The following NKAIN1 variants were observed in gnomAD, a reference collection of about 807,000 sequenced individuals.
NKAIN1 encodes the protein sodium/potassium transporting ATPase interacting 1, also known as sodium/potassium-transporting ATPase subunit beta-1-interacting protein 1.
Under a neutral mutation model 31.6 loss-of-function variants are expected in NKAIN1, and 13 were observed. The observed-to-expected ratio is 0.41, with a 90% CI of 0.27 to 0.65. The LOEUF is 0.65. NKAIN1 is among the 30% of genes least tolerant of loss of function. The pLI, the probability that NKAIN1 is intolerant of heterozygous loss-of-function variation, is 0.30. For synonymous variants in NKAIN1, 104 were observed against 109.0 expected, an observed-to-expected ratio of 0.95 and a Z score of 0.28; for missense variants, 193 against 262.2, an observed-to-expected ratio of 0.74 and a Z score of 1.82.
intron 2 of NKAIN1, among the ~76,000 whole-genome samples, chr1:31,186,878 C>A (rs1035443672): frequency 6.6e-6 from 1 of 152,236 alleles, no homozygotes; most frequent in African/African-American, 2.4e-5. Flanking sequence ...TCAGTTTTCC[C>A]ACATCCCGAA....
At chr1:31,225,086 G>C (rs1645593423) in intron 1 of NKAIN1, among the ~76,000 whole-genome samples, 1 of 141,362 alleles carries the variant, frequency 7.1e-6, no homozygotes, top group African/African-American at 2.8e-5. Flanking sequence ...GGAGTGCAGT[G>C]GCACAATCTC....
intron 2 of NKAIN1, among the ~76,000 whole-genome samples, chr1:31,187,083 T>A (rs1281704424): frequency 6.6e-6 from 1 of 152,150 alleles, no homozygotes; most frequent in African/African-American, 2.4e-5. Flanking sequence ...TTCTCTTATG[T>A]CAGATGAGAG....
chr1:31,190,732 G>T (rs1348971919), intron 1 of NKAIN1, among the ~76,000 whole-genome samples: 4 of 152,098 alleles, frequency 2.6e-5, no homozygotes, highest in Non-Finnish European at 5.9e-5. Context: ...GCTGGCCTTG[G>T]GGGAGAAACT....
At chr1:31,226,523 CTT>C (rs35709945) in intron 1 of NKAIN1, among the ~76,000 whole-genome samples, 46,044 of 131,586 alleles carry the variant, frequency 0.35, 8,603 homozygotes, top group African/African-American at 0.59. Context: ...TGAAGAAAAT[CTT>C]TTTTTTTTTT....
chr1:31,228,571 C>A (rs1645624679), intron 1 of NKAIN1, among the ~76,000 whole-genome samples: 1 of 151,098 alleles, frequency 6.6e-6, no homozygotes, highest in Non-Finnish European at 1.5e-5. Flanking sequence ...ATCACTAGAT[C>A]CACTACATGT....
chr1:31,185,161 C>T, intron 3 of NKAIN1, 86 bp downstream of exon 3: 1 of 1,047,188 alleles, frequency 9.5e-7, no homozygotes, highest in Non-Finnish European at 1.4e-6. Flanking sequence ...AGACATGATG[C>T]TCTGGTCCTA....
intron 1 of NKAIN1, among the ~76,000 whole-genome samples, chr1:31,191,400 GTTTTTTTTTTT>G (rs34521416): frequency 7.5e-6 from 1 of 134,138 alleles, no homozygotes; most frequent in Non-Finnish European, 1.6e-5. Context: ...ACAGAGAGAG[GTTTTTTTTTTT>G]TTTTTTTTTT....
rs896706733 is a variant in NKAIN1, at chr1:31,233,183, C to T, written c.54+6311G>A. ...CAGGCTGGTTTCGAACTCCTGATCT[C>T]AAGTGATCTGCATGCCTCGGCCTCC... On this transcript the variant is annotated intron_variant, in intron 1 of 6. Transcript: ENST00000373736. The surrounding 1 kb of genome is among the most constrained non-coding windows in gnomAD (Gnocchi z 4.0). Among the ~76,000 whole-genome samples, 1 of 152,192 alleles carries T rather than the reference C, an allele frequency of 6.6e-6. No homozygotes were observed. The highest frequency in any genetic ancestry group is 2.4e-5 in the African/African-American group (1 of 41,460).
At chr1:31,193,557 G>A (rs1383267772) in intron 1 of NKAIN1, among the ~76,000 whole-genome samples, 3 of 151,820 alleles carry the variant, frequency 2.0e-5, no homozygotes, top group South Asian at 2.1e-4. Context: ...TTAGCTGGGC[G>A]TGGTGGCACG....
At chr1:31,222,197 T>C in intron 1 of NKAIN1, among the ~76,000 whole-genome samples, 1 of 152,194 alleles carries the variant, frequency 6.6e-6, no homozygotes, top group Admixed American at 6.5e-5. Flanking sequence ...TTATTAAGAT[T>C]GCTTGCGCAG....
At position 31,188,113 on chromosome 1, in the gene NKAIN1, G is replaced by A. The variant is rs916707169; in HGVS notation, c.129C>T (p.His43=). The A allele has an allele frequency of 1.3e-6, 2 of 1,552,854 alleles. No homozygotes were observed. The highest frequency in any genetic ancestry group is 1.4e-5 in the African/African-American group (1 of 73,116). Residue 43 remains histidine (H), a synonymous_variant, in exon 2 of 7, where the codon CAC becomes CAT. Transcript: ENST00000373736. The part of the protein sequence containing the change: ...QWAPILANFL[H]IMAVILGIFG... ...AGATGCCCAGGATGACTGCCATGAT[G>A]TGCAGGAAGTTGGCTAGGATGGGAG...
chr1:31,213,871 G>A (rs1401348850), intron 1 of NKAIN1, among the ~76,000 whole-genome samples: 3 of 151,798 alleles, frequency 2.0e-5, no homozygotes, highest in Admixed American at 1.3e-4. Flanking sequence ...GTGCACACCT[G>A]TAGTCCCAGC....
chr1:31,191,726 G>A (rs1455431815), intron 1 of NKAIN1, among the ~76,000 whole-genome samples: 2 of 152,120 alleles, frequency 1.3e-5, no homozygotes, highest in Admixed American at 1.3e-4. Flanking sequence ...GCCCCCAAGA[G>A]GCTGTAACAG....
chr1:31,230,612 G>A (rs2148367568), intron 1 of NKAIN1, among the ~76,000 whole-genome samples: 1 of 152,258 alleles, frequency 6.6e-6, no homozygotes, highest in South Asian at 2.1e-4. Context: ...TCCCTCTCCA[G>A]GCCAGGGCAG....
At chr1:31,223,578 G>A (rs1433645122) in intron 1 of NKAIN1, among the ~76,000 whole-genome samples, 1 of 152,030 alleles carries the variant, frequency 6.6e-6, no homozygotes, top group African/African-American at 2.4e-5. Context: ...CCAAGTAGCT[G>A]GGACTACAGG....
At chr1:31,232,471 A>AGAGAGAGAGAGAGT (rs1645661791) in intron 1 of NKAIN1, among the ~76,000 whole-genome samples, 1 of 112,084 alleles carries the variant, frequency 8.9e-6, no homozygotes, top group African/African-American at 3.6e-5. Flanking sequence ...AGAGAGAGAG[A>AGAGAGAGAGAGAGT]GTGGGGGAGG....
chr1:31,215,786 G>A (rs1276206827), intron 1 of NKAIN1, among the ~76,000 whole-genome samples: 3 of 152,142 alleles, frequency 2.0e-5, no homozygotes, highest in Non-Finnish European at 4.4e-5. Context: ...CATCTCTCAC[G>A]AGTTACCCCC....
intron 1 of NKAIN1, among the ~76,000 whole-genome samples, chr1:31,218,730 G>T (rs10914330): frequency 0.21 from 32,013 of 152,090 alleles, 3,892 homozygotes; most frequent in African/African-American, 0.33. Context: ...CCCACTTCCT[G>T]TCCTATTTGT....
intron 1 of NKAIN1, among the ~76,000 whole-genome samples, chr1:31,235,990 A>G (rs1645689909): frequency 6.6e-6 from 1 of 152,184 alleles, no homozygotes. Context: ...AATAAGCTAC[A>G]GTTTAATGAG....
Sources: gnomAD v4.1 joint callset for allele counts (sites outside exome capture counted in the v4.1 genomes callset) on GRCh38, gnomAD v4.1.1 for gene constraint, Gnocchi (gnomAD v3.1) non-coding constraint, MANE v1.5 for transcripts, NCBI Gene and HGNC (gene_info 2026-07-23, HGNC 2026-07-21) for gene names.